Variants in ATXN7L1 observed in about 807,000 individuals in gnomAD.
The protein encoded by ATXN7L1 is ataxin 7 like 1, also known as ataxin-7-like protein 1.
ATXN7L1 carries 15 observed loss-of-function variants against 70.8 expected under a neutral mutation model. That is an observed-to-expected ratio of 0.21 (90% CI 0.14 to 0.33). The LOEUF is 0.33. ATXN7L1 is among the 10% of genes least tolerant of loss of function. ATXN7L1 has a pLI of 1.00. For synonymous variants in ATXN7L1, 440 were observed against 445.1 expected (o/e 0.99, Z 0.14); for missense variants, 975 against 1,097.1 (o/e 0.89, Z 1.57).
chr7:105,821,193 C>T (rs898198117), intron 2 of ATXN7L1, among the ~76,000 whole-genome samples: 27 of 152,128 alleles, frequency 1.8e-4, no homozygotes, highest in Non-Finnish European at 3.5e-4. Flanking sequence ...GCATGTGCCA[C>T]CACACCTGGC....
At chr7:105,868,949 C>T (rs376718648) in intron 2 of ATXN7L1, among the ~76,000 whole-genome samples, 7 of 152,140 alleles carry the variant, frequency 4.6e-5, no homozygotes, top group Admixed American at 2.0e-4. Flanking sequence ...TTCTTCCACA[C>T]GGGAACCCAG....
intron 2 of ATXN7L1, chr7:105,819,683 C>A: frequency 1.1e-6 from 1 of 934,370 alleles, no homozygotes; most frequent in Non-Finnish European, 1.7e-6. Context: ...AGATGAACAC[C>A]AACCCTTCCC....
At chr7:105,760,141 C>T (rs1447247668) in intron 3 of ATXN7L1, 2 of 944,592 alleles carry the variant, frequency 2.1e-6, no homozygotes, top group Non-Finnish European at 2.5e-6. Flanking sequence ...TCTTGTCACT[C>T]ATACTGGCCC....
intron 2 of ATXN7L1, among the ~76,000 whole-genome samples, chr7:105,860,024 CCA>C (rs1460762302): frequency 8.7e-5 from 13 of 149,224 alleles, no homozygotes; most frequent in African/African-American, 2.9e-4. Context: ...TCCGGGTAAT[CCA>C]CCCGCCTTGG....
intron 2 of ATXN7L1, among the ~76,000 whole-genome samples, chr7:105,790,545 C>G (rs1003623634): frequency 6.6e-6 from 1 of 152,038 alleles, no homozygotes; most frequent in Non-Finnish European, 1.5e-5. Flanking sequence ...CACACCACTG[C>G]ACTCCAGCCT....
chr7:105,863,137 A>C (rs1299239591), intron 2 of ATXN7L1, among the ~76,000 whole-genome samples: 1 of 152,224 alleles, frequency 6.6e-6, no homozygotes, highest in African/African-American at 2.4e-5. Context: ...GAAGATGTTC[A>C]AAAGGAGGAA....
At chr7:105,824,078 C>T (rs966088186) in intron 2 of ATXN7L1, among the ~76,000 whole-genome samples, 14 of 152,138 alleles carry the variant, frequency 9.2e-5, no homozygotes, top group African/African-American at 3.4e-4. Context: ...GCGTGATGCC[C>T]TTGGGCCTCT....
chr7:105,776,502 C>A (rs1450889442), intron 3 of ATXN7L1, among the ~76,000 whole-genome samples: 1 of 151,448 alleles, frequency 6.6e-6, no homozygotes, highest in Non-Finnish European at 1.5e-5. Context: ...AACCCCCCCC[C>A]CAAAACAAAC....
At position 105,624,096 on chromosome 7, in the gene ATXN7L1, C is replaced by T. The variant is rs757812951; in HGVS notation, c.1374G>A (p.Thr458=). Residue 458 remains threonine, a synonymous_variant, in exon 8 of 12, where the codon ACG becomes ACA. Coordinates refer to ENST00000419735, the MANE Select transcript of ATXN7L1 (RefSeq NM_020725.2). Reference sequence around the variant, plus strand: ...CTACCGCCAGAGGTCTGGGGTGGTGCGTGGAGAACTGACAGTCTAGCTTCT... The same window carrying T: ...CTACCGCCAGAGGTCTGGGGTGGTGTGTGGAGAACTGACAGTCTAGCTTCT... ...ESEKLDCQFS[T]HHPRPLAFCS... The T allele has an allele frequency of 6.1e-6, 9 of 1,484,508 alleles. No homozygotes were observed. In the East Asian group the frequency reaches 8.0e-5, roughly 13 times the overall value. The allele number at this position is 1,484,508 out of a possible 1,614,324, so 92.0% of individuals were successfully genotyped here.
chr7:105,669,319 T>A (rs948008153), intron 3 of ATXN7L1, among the ~76,000 whole-genome samples: 1 of 152,118 alleles, frequency 6.6e-6, no homozygotes, highest in African/African-American at 2.4e-5. Context: ...CGACCTCAAG[T>A]GATCCGCCTG....
At chr7:105,709,347 A>T (rs990603110) in intron 3 of ATXN7L1, among the ~76,000 whole-genome samples, 3 of 151,644 alleles carry the variant, frequency 2.0e-5, no homozygotes, top group African/African-American at 7.3e-5. Flanking sequence ...AAAAAAAAGA[A>T]TTTTTTTTCT....
At chr7:105,735,320 C>T (rs1449410760) in intron 3 of ATXN7L1, among the ~76,000 whole-genome samples, 1 of 152,176 alleles carries the variant, frequency 6.6e-6, no homozygotes, top group East Asian at 1.9e-4. Flanking sequence ...TTGGGATATT[C>T]CCCGTGATTT....
intron 2 of ATXN7L1, among the ~76,000 whole-genome samples, chr7:105,799,829 C>T (rs189829573): frequency 1.3e-5 from 2 of 152,302 alleles, no homozygotes; most frequent in Admixed American, 6.5e-5. Flanking sequence ...AGCCAGACTA[C>T]AGGAAGCTGC....
intron 2 of ATXN7L1, among the ~76,000 whole-genome samples, chr7:105,832,551 C>T (rs1326697517): frequency 1.3e-5 from 2 of 152,174 alleles, no homozygotes; most frequent in East Asian, 1.9e-4. Flanking sequence ...AACACACCTG[C>T]CCCCAAGGGC....
intron 3 of ATXN7L1, among the ~76,000 whole-genome samples, chr7:105,678,693 G>A (rs1361169698): frequency 6.6e-6 from 1 of 152,196 alleles, no homozygotes; most frequent in Non-Finnish European, 1.5e-5. Context: ...ACGCCGGGAA[G>A]GTTCATTGCA....
chr7:105,734,154 C>A (rs1455601924), intron 3 of ATXN7L1, among the ~76,000 whole-genome samples: 1 of 152,100 alleles, frequency 6.6e-6, no homozygotes, highest in East Asian at 1.9e-4. Flanking sequence ...GTTTCCTCAT[C>A]TGTAAACATG....
At chr7:105,705,292 C>G (rs939176527) in intron 3 of ATXN7L1, among the ~76,000 whole-genome samples, 4 of 152,134 alleles carry the variant, frequency 2.6e-5, no homozygotes, top group African/African-American at 7.2e-5. Flanking sequence ...TCCCAAAGTG[C>G]TGGGACTACA....
At chr7:105,716,665 GCACA>G (rs58217531) in intron 3 of ATXN7L1, among the ~76,000 whole-genome samples, 11,034 of 124,344 alleles carry the variant, frequency 0.089, 629 homozygotes, top group Non-Finnish European at 0.1. Context: ...ACCTATCTCT[GCACA>G]CACACACACA....
At chr7:105,746,246 C>G (rs1315832481) in intron 3 of ATXN7L1, among the ~76,000 whole-genome samples, 1 of 152,234 alleles carries the variant, frequency 6.6e-6, no homozygotes, top group East Asian at 1.9e-4. Context: ...TGTGTCTACA[C>G]TGTATTGCCT....
Sources: allele counts gnomAD v4.1 joint callset (sites outside exome capture counted in the v4.1 genomes callset), GRCh38; gene constraint gnomAD v4.1.1; transcripts MANE v1.5; gene names NCBI Gene and HGNC (gene_info 2026-07-23, HGNC 2026-07-21).